The following ANO3 variants were observed in gnomAD, a reference collection of about 807,000 sequenced individuals.
ANO3 encodes the protein anoctamin-3.
Under a neutral mutation model 144.8 loss-of-function variants are expected in ANO3, and 99 were observed. The ratio of observed to expected loss-of-function variants is 0.68; its 90% CI spans 0.58 to 0.81. ANO3 has a LOEUF of 0.81. ANO3 is among the 30% of genes least tolerant of loss of function. ANO3 has a pLI of 0.00. For missense variants in ANO3, 905 were observed against 1,202.2 expected, an observed-to-expected ratio of 0.75 and a Z score of 3.66; for synonymous variants, 414 against 392.6, an observed-to-expected ratio of 1.05 and a Z score of -0.64.
At position 26,662,677 on chromosome 11, in the gene ANO3, A is replaced by G. The variant is rs969483693; in HGVS notation, c.*2233A>G. On this transcript the variant is annotated 3_prime_UTR_variant, in exon 27 of 27. Coordinates refer to ENST00000256737, the MANE Select transcript of ANO3 (RefSeq NM_031418.4). ...TATTTTAATTTAAAAATTGTAATAC[A>G]TTGATTTATAAAATGCCTTCTCTGA... 17 of 152,080 alleles carry G rather than the reference A, an allele frequency of 1.1e-4. No homozygotes were observed. The highest frequency in any genetic ancestry group is 2.1e-4 in the Non-Finnish European group (14 of 67,984). The allele number at this position is 152,080 out of a possible 1,614,324, so 9.4% of individuals were successfully genotyped here.
At chr11:26,399,782 C>T (rs1015591705) in intron 1 of ANO3, among the ~76,000 whole-genome samples, 6 of 151,970 alleles carry the variant, frequency 3.9e-5, no homozygotes, top group African/African-American at 1.4e-4. Flanking sequence ...TTTAACCTGA[C>T]ACATTTTATA....
intron 4 of ANO3, among the ~76,000 whole-genome samples, chr11:26,486,863 A>T (rs1334255448): frequency 6.6e-6 from 1 of 152,246 alleles, no homozygotes. Context: ...GGGTCAAAGC[A>T]GGCTGTTAGG....
intron 1 of ANO3, among the ~76,000 whole-genome samples, chr11:26,214,269 T>C (rs771166234): frequency 2.0e-5 from 3 of 151,858 alleles, no homozygotes; most frequent in Non-Finnish European, 4.4e-5. Context: ...TTTTTTTTTC[T>C]GTTTTACTTT....
chr11:26,253,453 A>G (rs1482036492), intron 1 of ANO3, among the ~76,000 whole-genome samples: 1 of 152,086 alleles, frequency 6.6e-6, no homozygotes, highest in African/African-American at 2.4e-5. Flanking sequence ...ACTAATGGTT[A>G]CTAGGCTTAA....
At chr11:26,476,666 G>C (rs759142573) in intron 4 of ANO3, among the ~76,000 whole-genome samples, 23 of 151,960 alleles carry the variant, frequency 1.5e-4, no homozygotes, top group Non-Finnish European at 3.1e-4. Context: ...TCGGAGGTGG[G>C]GACGACACTA....
intron 1 of ANO3, among the ~76,000 whole-genome samples, chr11:26,290,086 G>A (rs1052994127): frequency 1.3e-5 from 2 of 152,024 alleles, no homozygotes; most frequent in African/African-American, 4.8e-5. Flanking sequence ...CCCAATTTCA[G>A]AGCCTGTTAT....
At chr11:26,596,862 G>A (rs371889627) in intron 14 of ANO3, among the ~76,000 whole-genome samples, 11 of 152,182 alleles carry the variant, frequency 7.2e-5, no homozygotes, top group Non-Finnish European at 1.3e-4. Flanking sequence ...AGTTCAGGAC[G>A]ACAGCTTTCT....
At chr11:26,636,723 A>G (rs1462221147) in intron 20 of ANO3, among the ~76,000 whole-genome samples, 1 of 152,254 alleles carries the variant, frequency 6.6e-6, no homozygotes, top group Non-Finnish European at 1.5e-5. Flanking sequence ...AGCCACGAGT[A>G]GGATGGCGTG....
chr11:26,269,897 A>C (rs1017429327), intron 1 of ANO3, among the ~76,000 whole-genome samples: 3 of 152,182 alleles, frequency 2.0e-5, no homozygotes, highest in Non-Finnish European at 2.9e-5. Flanking sequence ...AGGGGTAATT[A>C]AAAGGAGGTA....
chr11:26,466,899 G>A (rs73447707), intron 4 of ANO3, among the ~76,000 whole-genome samples: 10,801 of 151,974 alleles, frequency 0.071, 632 homozygotes, highest in African/African-American at 0.16. Context: ...CAAAATTGTC[G>A]CAGAGTTTGA....
intron 24 of ANO3, among the ~76,000 whole-genome samples, chr11:26,653,423 A>C (rs1051871677): frequency 6.6e-6 from 1 of 151,784 alleles, no homozygotes; most frequent in African/African-American, 2.4e-5. Context: ...TTTTCATACC[A>C]CTTCCACTGC....
intron 4 of ANO3, among the ~76,000 whole-genome samples, chr11:26,489,433 G>A (rs185090877): frequency 4.9e-4 from 75 of 152,350 alleles, no homozygotes; most frequent in Non-Finnish European, 7.3e-4. Context: ...CAGTGCAGAA[G>A]GGAAATGTGG....
intron 5 of ANO3, among the ~76,000 whole-genome samples, chr11:26,515,687 A>C (rs1861835885): frequency 6.6e-6 from 1 of 151,952 alleles, no homozygotes; most frequent in Non-Finnish European, 1.5e-5. Context: ...CCTACTCTTG[A>C]GCTTTTAAGA....
At chr11:26,304,906 G>A (rs1344877193), upstream of ANO3, among the ~76,000 whole-genome samples, 1 of 151,892 alleles carries the variant, frequency 6.6e-6, no homozygotes, top group Non-Finnish European at 1.5e-5. Context: ...AACCAAGACT[G>A]GTCACTCATG....
chr11:26,598,875 G>C lies in ANO3; in HGVS notation c.1548G>C (p.Gln516His). The change falls in exon 16 of 27, where the codon CAG (glutamine) becomes CAC (histidine). Residue 516 changes from glutamine to histidine, a missense_variant. Physicochemically the swap from Gln to His is conservative, Grantham distance 24. Coordinates refer to ENST00000256737, the MANE Select transcript of ANO3 (RefSeq NM_031418.4). Reference protein sequence around the residue: ...WEEEEETLRPQFEAKYYKMEI... With the variant: ...WEEEEETLRPHFEAKYYKMEI... ...TCTCATAGGAAACACTTCGTCCCCA[G>C]TTTGAAGCCAAGTATTACAAGATGG... 6.2e-7 allele frequency: 1 copy of C among 1,613,538 alleles called. No homozygotes were observed. Among genetic ancestry groups the C allele is most frequent in the Non-Finnish European group, 8.5e-7 (1 of 1,179,858 alleles).
chr11:26,516,120 G>A (rs1861853297), intron 5 of ANO3, among the ~76,000 whole-genome samples: 1 of 151,726 alleles, frequency 6.6e-6, no homozygotes, highest in Admixed American at 6.6e-5. Flanking sequence ...ATCAAAATAT[G>A]CAAATAATCC....
chr11:26,399,493 A>C (rs1440643895), intron 1 of ANO3, among the ~76,000 whole-genome samples: 1 of 151,418 alleles, frequency 6.6e-6, no homozygotes, highest in African/African-American at 2.4e-5. Flanking sequence ...ACTACATTCT[A>C]TGTACTACAG....
Position 26,386,605 on chromosome 11 carries a change from C to T in ANO3, c.46+54284C>T, listed in dbSNP as rs144318590. 2.4e-3 allele frequency among the ~76,000 whole-genome samples: 366 copies of T among 152,270 alleles called. 1 individual carries two copies. Among genetic ancestry groups the T allele is most frequent in the African/African-American group, 8.1e-3 (337 of 41,554 alleles). On this transcript the variant is annotated intron_variant, in intron 1 of 26. Coordinates refer to ENST00000256737, the MANE Select transcript of ANO3 (RefSeq NM_031418.4). ...GTCCTGAGCCCACTGATCCAACGTA[C>T]TGAGAAGAATACAACATTATTTCTG...
At chr11:26,494,227 T>C (rs966532286) in intron 4 of ANO3, among the ~76,000 whole-genome samples, 1 of 149,304 alleles carries the variant, frequency 6.7e-6, no homozygotes, top group Non-Finnish European at 1.5e-5. Flanking sequence ...TTCATATATA[T>C]GTGTGTGTAT....
Sources: allele counts gnomAD v4.1 joint callset (sites outside exome capture counted in the v4.1 genomes callset), GRCh38; gene constraint gnomAD v4.1.1; transcripts MANE v1.5; gene names NCBI Gene and HGNC (gene_info 2026-07-23, HGNC 2026-07-21).